UFL1: variants seen among roughly 807,000 people sequenced by gnomAD.
UFL1 encodes the protein UFM1 specific ligase 1.
UFL1 carries 78 observed loss-of-function variants against 99.3 expected under a neutral mutation model. The observed-to-expected ratio is 0.79, with a 90% CI of 0.65 to 0.95. The LOEUF (loss-of-function observed/expected upper bound fraction) is 0.95, where lower values mean the gene tolerates loss of function less well. Ranked by LOEUF, UFL1 falls within the 40% of genes least tolerant of loss-of-function variation. UFL1 has a pLI of 0.00. For synonymous variants in UFL1, 335 were observed against 322.2 expected (o/e 1.04, Z -0.42); for missense variants, 936 against 937.0 (o/e 1.00, Z 0.01).
At position 96,549,515 on chromosome 6, in the gene UFL1, G is replaced by A. The variant is rs760506200; in HGVS notation, c.1624G>A (p.Glu542Lys). The A allele has an allele frequency of 1.3e-6, 2 of 1,593,154 alleles. No individual in the cohort carries two copies. Among genetic ancestry groups the A allele is most frequent in the Non-Finnish European group, 1.7e-6 (2 of 1,173,634 alleles). Reference protein sequence around the residue: ...GRKRTIKDLQEEVSNLYNNIR... With the variant: ...GRKRTIKDLQKEVSNLYNNIR... ...AAAACGCACAATCAAGGACTTGCAA[G>A]AAGAAGTTTCAAACCTGTACAATAA... Residue 542 changes from glutamate to lysine, a missense_variant, in exon 14 of 19, where the codon GAA becomes AAA. By Grantham distance (56) the Glu-to-Lys change is moderately conservative. Transcript: ENST00000369278.
At chr6:96,549,004 A>T (rs1463484285) in intron 13 of UFL1, among the ~76,000 whole-genome samples, 2 of 151,752 alleles carry the variant, frequency 1.3e-5, no homozygotes, top group Non-Finnish European at 1.5e-5. Flanking sequence ...ACTACTAATC[A>T]TTTTGCACTG....
chr6:96,551,791 A>G (rs775066410), intron 16 of UFL1, 47 bp from the exon 17 acceptor site: 1 of 1,242,496 alleles, frequency 8.0e-7, no homozygotes, highest in Non-Finnish European at 1.1e-6. Context: ...ATACTTCCTT[A>G]TGCAGTTATA....
intron 7 of UFL1, among the ~76,000 whole-genome samples, chr6:96,535,040 G>A (rs2127950622): frequency 6.6e-6 from 1 of 151,992 alleles, no homozygotes; most frequent in Non-Finnish European, 1.5e-5. Context: ...TTAGGAGTTG[G>A]TATAATTTCA....
chr6:96,554,353 G>A lies in UFL1; in HGVS notation c.*850G>A, dbSNP rs1770125308. On this transcript the variant is annotated 3_prime_UTR_variant, in exon 19 of 19. Coordinates refer to ENST00000369278, the MANE Select transcript of UFL1 (RefSeq NM_015323.5). ...CACATAATACTTTGTAAATACTAGT[G>A]TGAAAAACAGATAGGATGCCTTTTC... The A allele has an allele frequency of 6.6e-6, 1 of 152,094 alleles. No individual in the cohort carries two copies. The highest frequency in any genetic ancestry group is 6.6e-5 in the Admixed American group (1 of 15,256). The allele number at this position is 152,094 out of a possible 1,614,324, so 9.4% of individuals were successfully genotyped here. A position where few individuals can be genotyped will look rare whatever the true frequency, so the allele number is the denominator to read the frequency against.
chr6:96,545,078 T>C (rs1242286944), intron 12 of UFL1, among the ~76,000 whole-genome samples: 1 of 151,080 alleles, frequency 6.6e-6, no homozygotes, highest in South Asian at 2.1e-4. Flanking sequence ...AGGGAAATCA[T>C]AGATCATTTA....
intron 13 of UFL1, 91 bp from the exon 14 acceptor site, chr6:96,549,321 C>T (rs979895804): frequency 9.8e-7 from 1 of 1,022,470 alleles, no homozygotes; most frequent in African/African-American, 1.7e-5. Flanking sequence ...GATTTCTATT[C>T]TTAAGCCTTA....
chr6:96,546,957 A>G (rs916794496), intron 12 of UFL1, among the ~76,000 whole-genome samples: 13 of 151,678 alleles, frequency 8.6e-5, no homozygotes, highest in African/African-American at 3.1e-4. Context: ...TAAAAATCCC[A>G]AAAGCAAATG....
In UFL1 at chr6:96,521,937, G is replaced by A; in HGVS notation, c.64G>A (p.Glu22Lys). 2 of 1,612,236 alleles carry A rather than the reference G, an allele frequency of 1.2e-6. No individual in the cohort carries two copies. The highest frequency in any genetic ancestry group is 2.2e-5 in the South Asian group (2 of 90,532). ...AADFQRAQFA[E>K]ATQRLSERNC... The stretch of plus-strand genomic sequence containing the variant: ...CGACTTCCAGCGGGCGCAGTTCGCC[G>A]AGGCCACGCAGAGGTGCCCGACCCT... The change falls in exon 1 of 19, where the codon GAG becomes AAG. Residue 22 changes from glutamate to lysine, a missense_variant. Glu to Lys is a moderately conservative substitution (Grantham distance 56). Transcript: ENST00000369278.
intron 6 of UFL1, among the ~76,000 whole-genome samples, chr6:96,530,895 A>G (rs1473426265): frequency 1.3e-5 from 2 of 152,208 alleles, no homozygotes; most frequent in Non-Finnish European, 2.9e-5. Context: ...AGCTAGCACA[A>G]GGGCCCTCAA....
At position 96,545,849 on chromosome 6, in the gene UFL1, C is replaced by T. The variant is rs115982652; in HGVS notation, c.1403-2315C>T. Among the ~76,000 whole-genome samples the T allele has an allele frequency of 5.3e-3, 794 of 151,062 alleles. 6 individuals are homozygous for T. Among genetic ancestry groups the T allele is most frequent in the African/African-American group, 0.018 (765 of 41,356 alleles). On this transcript the variant is annotated intron_variant, in intron 12 of 18. Transcript: ENST00000369278. Reference sequence around the variant, plus strand: ...CTTCATGATAAAAATCTTCAGAAAACTAGGCATCAAAGGAACATACCTCAA... The same window carrying T: ...CTTCATGATAAAAATCTTCAGAAAATTAGGCATCAAAGGAACATACCTCAA...
intron 13 of UFL1, among the ~76,000 whole-genome samples, chr6:96,548,942 C>T (rs1295916964): frequency 6.6e-6 from 1 of 151,308 alleles, no homozygotes; most frequent in Non-Finnish European, 1.5e-5. Context: ...ATTTTTTGTG[C>T]ATAAATGTAT....
intron 7 of UFL1, 122 bp downstream of exon 7, chr6:96,534,443 TA>T: frequency 2.5e-6 from 2 of 792,362 alleles, no homozygotes; most frequent in South Asian, 2.6e-5. Context: ...TTTCCTGGTT[TA>T]AAAAAGTTTC....
rs1159503820 is a variant in UFL1 at position 96,553,502 on chromosome 6, A to G, written c.2384A>G (p.Ter795=). ...AGGAAATCATCTGTGACGGAAGAGTAATGATCTTAATTTACATTTGTCATA... is the reference window on the plus strand; with the variant it reads ...AGGAAATCATCTGTGACGGAAGAGTGATGATCTTAATTTACATTTGTCATA... ...KSRKSSVTEE[*] The change falls in exon 19 of 19, where the codon TAA becomes TGA. Residue 795 remains the stop codon, a stop_retained_variant. Transcript: ENST00000369278. 1 of 1,611,914 alleles carries G rather than the reference A, an allele frequency of 6.2e-7. No individual in the cohort carries two copies. Among genetic ancestry groups the G allele is most frequent in the South Asian group, 1.1e-5 (1 of 90,930 alleles).
chr6:96,551,903 G>A lies in UFL1; in HGVS notation c.1965G>A (p.Arg655=), dbSNP rs1417548807. ...AAEACDIMVK[R]GDKKRERQIL... ...AAGCTTGTGATATTATGGTGAAAAGGGGAGACAAAAAAAGGGAAAGGTAAC... is the reference window on the plus strand; with the variant it reads ...AAGCTTGTGATATTATGGTGAAAAGAGGAGACAAAAAAAGGGAAAGGTAAC... The change falls in exon 17 of 19, where the codon AGG becomes AGA. Residue 655 remains arginine (R), a synonymous_variant. Coordinates refer to ENST00000369278, the MANE Select transcript of UFL1 (RefSeq NM_015323.5). 6.2e-7 allele frequency: 1 copy of A among 1,606,052 alleles called. No homozygotes were observed. The highest frequency in any genetic ancestry group is 1.7e-5 in the Admixed American group (1 of 59,186).
rs752042338 is a variant in UFL1, at chr6:96,534,296, T to C, written c.630T>C (p.Tyr210=). ...PTAVNSLISK[Y]GFQEQLLYSV... is the part of the protein sequence containing the mutation. The stretch of plus-strand genomic sequence containing the variant: ...CTGTGAATTCTTTGATTTCAAAATA[T>C]GGATTTCAGGAGCAGCTTCTTTACT... Residue 210 remains tyrosine (Y), a synonymous_variant, in exon 7 of 19, where the codon TAT becomes TAC. Transcript: ENST00000369278. 1.5e-5 allele frequency: 24 copies of C among 1,582,626 alleles called. No homozygotes were observed. Among genetic ancestry groups the C allele is most frequent in the Non-Finnish European group, 2.0e-5 (23 of 1,167,302 alleles).
rs569840110 is a variant in UFL1, at chr6:96,549,874, G to A, written c.1818+75G>A. The A allele has an allele frequency of 9.2e-6, 14 of 1,520,292 alleles. No homozygotes were observed. In the Admixed American group the frequency reaches 1.3e-4, roughly 14 times the overall value. 94.2% of individuals were successfully genotyped at this position (1,520,292 alleles called of 1,614,324 possible). On this transcript the variant is annotated intron_variant, in intron 15 of 18. Coordinates refer to ENST00000369278, the MANE Select transcript of UFL1 (RefSeq NM_015323.5). The stretch of plus-strand genomic sequence containing the variant: ...ATACACATTTTATTTTATCTTATTT[G>A]GAGTAAAGAGGAAAATAAAATACAG...
At chr6:96,550,091 CA>C (rs1315490745) in intron 15 of UFL1, among the ~76,000 whole-genome samples, 1 of 151,872 alleles carries the variant, frequency 6.6e-6, no homozygotes, top group East Asian at 1.9e-4. Context: ...AATCCCATAA[CA>C]TTCTGACCCA....
At chr6:96,523,103 G>A in intron 1 of UFL1, 43 bp from the exon 2 acceptor site, 1 of 1,556,864 alleles carries the variant, frequency 6.4e-7, no homozygotes, top group South Asian at 1.2e-5. Flanking sequence ...GAGCGCCAAT[G>A]TCTCAAGTGG....
At chr6:96,538,583 G>A in intron 9 of UFL1, 48 bp from the exon 10 acceptor site, 2 of 1,561,352 alleles carry the variant, frequency 1.3e-6, no homozygotes, top group Admixed American at 3.4e-5. Context: ...TGGTTTCACT[G>A]TATTATATTG....
Sources: allele counts gnomAD v4.1 joint callset (sites outside exome capture counted in the v4.1 genomes callset), GRCh38; gene constraint gnomAD v4.1.1; transcripts MANE v1.5; gene names NCBI Gene and HGNC (gene_info 2026-07-23, HGNC 2026-07-21).